OPCML: variants seen among roughly 807,000 people sequenced by gnomAD.
The protein encoded by OPCML is opioid-binding protein/cell adhesion molecule.
Under a neutral mutation model 37.8 loss-of-function variants are expected in OPCML, and 13 were observed. The ratio of observed to expected loss-of-function variants is 0.34; its 90% CI spans 0.22 to 0.55. The LOEUF (loss-of-function observed/expected upper bound fraction) is 0.55. Ranked by LOEUF, OPCML falls within the 20% of genes least tolerant of loss-of-function variation. OPCML has a pLI of 0.91. For missense variants in OPCML, 341 were observed against 435.6 expected, an observed-to-expected ratio of 0.78 and a Z score of 1.93; for synonymous variants, 176 against 168.8, an observed-to-expected ratio of 1.04 and a Z score of -0.33.
Position 132,441,158 on chromosome 11 carries a change from C to CTTTTTTTTTTTTTT in OPCML, c.506-3800_506-3799insAAAAAAAAAAAAAA, listed in dbSNP as rs749099654. ...ATTCTGAAGATGTGTTCACCAAGGACTTTTTTGTTTTTTTTTTTTTTTTTT... is the reference window on the plus strand; with the variant it reads ...ATTCTGAAGATGTGTTCACCAAGGACTTTTTTTTTTTTTTTTTTTTGTTTTTTTTTTTTTTTTTT... On this transcript the variant is annotated intron_variant, in intron 4 of 7. Coordinates refer to ENST00000524381, the MANE Select transcript of OPCML (RefSeq NM_001012393.5). 8.1e-4 allele frequency among the ~76,000 whole-genome samples: 87 copies of CTTTTTTTTTTTTTT among 108,042 alleles called. 7 individuals are homozygous for CTTTTTTTTTTTTTT. The highest frequency in any genetic ancestry group is 2.1e-3 in the African/African-American group (47 of 22,756). 70.9% of individuals were successfully genotyped at this position (108,042 alleles called of 152,430 possible).
At chr11:133,310,807 A>G (rs546532482) in intron 1 of OPCML, among the ~76,000 whole-genome samples, 61 of 152,320 alleles carry the variant, frequency 4.0e-4, no homozygotes, top group African/African-American at 1.4e-3. Flanking sequence ...AAGTCCTCAC[A>G]CAATGTGGAG....
At chr11:133,189,191 C>G (rs1221194604) in intron 1 of OPCML, among the ~76,000 whole-genome samples, 1 of 152,058 alleles carries the variant, frequency 6.6e-6, no homozygotes, top group African/African-American at 2.4e-5. Context: ...CTTCTTCCCT[C>G]AATATATATT....
rs532568607 is a variant in OPCML at position 132,810,016 on chromosome 11, A to AT, written c.146+132909dup. On this transcript the variant is annotated intron_variant, in intron 2 of 7. Coordinates refer to ENST00000524381, the MANE Select transcript of OPCML (RefSeq NM_001012393.5). ...AGGCGCCCGCCACCACGCCCGGCTA[A>AT]TTTTTTGTATTTTTAGTAGAGACGG... 4.7e-3 allele frequency among the ~76,000 whole-genome samples: 710 copies of AT among 151,874 alleles called. 4 individuals carry two copies. The highest frequency in any genetic ancestry group is 0.016 in the African/African-American group (681 of 41,424).
intron 1 of OPCML, among the ~76,000 whole-genome samples, chr11:133,462,034 T>G (rs954545005): frequency 6.6e-6 from 1 of 151,946 alleles, no homozygotes; most frequent in African/African-American, 2.4e-5. Flanking sequence ...GAAGAAAATA[T>G]AGTCTTTTCA....
At chr11:133,478,907 G>A (rs554332925) in intron 1 of OPCML, among the ~76,000 whole-genome samples, 1 of 151,084 alleles carries the variant, frequency 6.6e-6, no homozygotes, top group East Asian at 1.9e-4. Context: ...GTTAAATAAA[G>A]AAACAAGTCA....
chr11:133,251,753 C>T (rs908938020), intron 1 of OPCML, among the ~76,000 whole-genome samples: 1 of 152,194 alleles, frequency 6.6e-6, no homozygotes, highest in Non-Finnish European at 1.5e-5. Flanking sequence ...GTGCTAAGTT[C>T]TTGGTCCTTT....
intron 3 of OPCML, among the ~76,000 whole-genome samples, chr11:132,644,505 A>G (rs1941042950): frequency 6.6e-6 from 1 of 152,228 alleles, no homozygotes. Context: ...AAAAAAAATT[A>G]AAAGAAAGAA....
intron 1 of OPCML, among the ~76,000 whole-genome samples, chr11:133,392,770 A>T (rs1305336237): frequency 6.6e-6 from 1 of 152,184 alleles, no homozygotes; most frequent in African/African-American, 2.4e-5. Flanking sequence ...TACATTGCAA[A>T]ATGTGCCCAT....
chr11:132,978,897 T>G (rs1946523483), intron 1 of OPCML, among the ~76,000 whole-genome samples: 1 of 152,186 alleles, frequency 6.6e-6, no homozygotes. Flanking sequence ...CCCTCTCCAC[T>G]TGAATTTTTA....
At chr11:133,175,693 G>A (rs756302799) in intron 1 of OPCML, among the ~76,000 whole-genome samples, 9 of 148,702 alleles carry the variant, frequency 6.1e-5, no homozygotes, top group Non-Finnish European at 1.2e-4. Context: ...GATTTAGAGT[G>A]TTTCTAGATG....
chr11:133,219,948 A>G (rs565381550), intron 1 of OPCML, among the ~76,000 whole-genome samples: 2 of 152,362 alleles, frequency 1.3e-5, no homozygotes, highest in East Asian at 1.9e-4. Context: ...CTCACTGCTC[A>G]TGCCAACCAG....
rs951326035 is a variant in OPCML at position 132,454,629 on chromosome 11, C to A, written c.506-17270G>T. Among the ~76,000 whole-genome samples the A allele has an allele frequency of 6.6e-5, 10 of 152,192 alleles. 1 individual carries two copies. In the South Asian group the frequency reaches 1.7e-3, roughly 25 times the overall value. On this transcript the variant is annotated intron_variant, in intron 4 of 7. Transcript: ENST00000524381. ...GCACCCAGGGCCTTCGGGAACATGG[C>A]AGCAGCCATGTTGAATAGGGTTTGT...
intron 2 of OPCML, among the ~76,000 whole-genome samples, chr11:132,688,791 A>G (rs1943273830): frequency 1.0e-5 from 1 of 96,222 alleles, no homozygotes; most frequent in African/African-American, 4.2e-5. Flanking sequence ...AAAAAAAAAA[A>G]TACAAAAAAT....
intron 2 of OPCML, among the ~76,000 whole-genome samples, chr11:132,792,667 AG>A (rs752244783): frequency 2.7e-5 from 4 of 150,432 alleles, no homozygotes; most frequent in Non-Finnish European, 5.9e-5. Context: ...AAGGGCGGAG[AG>A]GGGGTGGCGG....
intron 4 of OPCML, among the ~76,000 whole-genome samples, chr11:132,522,137 C>T (rs2096295430): frequency 6.6e-6 from 1 of 152,198 alleles, no homozygotes. Flanking sequence ...CAGGTCCATC[C>T]AAGTTGTCAA....
chr11:133,016,122 G>A (rs900808933), intron 1 of OPCML, among the ~76,000 whole-genome samples: 7 of 152,260 alleles, frequency 4.6e-5, no homozygotes, highest in South Asian at 4.1e-4. Context: ...ATTTTCTATC[G>A]TTGTATAAGA....
At chr11:133,164,186 TG>T (rs1172399999) in intron 1 of OPCML, among the ~76,000 whole-genome samples, 2 of 152,210 alleles carry the variant, frequency 1.3e-5, no homozygotes, top group East Asian at 3.8e-4. Flanking sequence ...GAGTTCCCCT[TG>T]CCTGCAGCTT....
intron 1 of OPCML, among the ~76,000 whole-genome samples, chr11:132,945,587 AC>A (rs1206113751): frequency 1.3e-5 from 2 of 152,206 alleles, no homozygotes; most frequent in South Asian, 2.1e-4. Context: ...TAATTAGGCT[AC>A]CCTAAATTTA....
intron 1 of OPCML, among the ~76,000 whole-genome samples, chr11:133,330,066 CAA>C (rs766137758): frequency 6.6e-6 from 1 of 152,124 alleles, no homozygotes; most frequent in South Asian, 2.1e-4. Flanking sequence ...TTTATGCAGC[CAA>C]AACAACACAT....
Sources: gnomAD v4.1 joint callset for allele counts (sites outside exome capture counted in the v4.1 genomes callset) on GRCh38, gnomAD v4.1.1 for gene constraint, MANE v1.5 for transcripts, NCBI Gene and HGNC (gene_info 2026-07-23, HGNC 2026-07-21) for gene names.